The following ROBO2 variants were observed in gnomAD, a reference collection of about 807,000 sequenced individuals.
ROBO2 encodes the protein roundabout guidance receptor 2.
ROBO2 carries 53 observed loss-of-function variants against 160.8 expected under a neutral mutation model. That is an observed-to-expected ratio of 0.33 (90% CI 0.26 to 0.41). The LOEUF is 0.41. Ranked by LOEUF, ROBO2 falls within the 10% of genes least tolerant of loss-of-function variation. ROBO2 has a pLI of 1.00. For missense variants in ROBO2, 1,577 were observed against 1,722.4 expected, an observed-to-expected ratio of 0.92 and a Z score of 1.49; for synonymous variants, 664 against 611.7, an observed-to-expected ratio of 1.09 and a Z score of -1.26.
chr3:77,397,141 A>G (rs985040381), intron 2 of ROBO2, among the ~76,000 whole-genome samples: 4 of 152,038 alleles, frequency 2.6e-5, no homozygotes, highest in African/African-American at 9.7e-5. Context: ...GTTTCTGGGG[A>G]AAAAATTGCT....
intron 2 of ROBO2, among the ~76,000 whole-genome samples, chr3:75,989,548 A>G (rs150023963): frequency 2.0e-5 from 3 of 152,368 alleles, no homozygotes; most frequent in African/African-American, 7.2e-5. Context: ...AAACTATTTT[A>G]TAATTTACAA....
At chr3:77,199,659 G>C (rs1165982344) in intron 2 of ROBO2, among the ~76,000 whole-genome samples, 1 of 123,208 alleles carries the variant, frequency 8.1e-6, no homozygotes, top group Non-Finnish European at 1.6e-5. Context: ...GATTCTCACT[G>C]TCTCCTCAGG....
intron 2 of ROBO2, among the ~76,000 whole-genome samples, chr3:76,550,897 A>C (rs988793430): frequency 3.3e-5 from 5 of 152,186 alleles, no homozygotes; most frequent in African/African-American, 9.7e-5. Flanking sequence ...AGCTTAGTGC[A>C]GGCCTGCAGG....
intron 2 of ROBO2, among the ~76,000 whole-genome samples, chr3:76,661,425 C>G (rs1363284761): frequency 2.2e-4 from 33 of 152,142 alleles, no homozygotes; most frequent in Non-Finnish European, 4.4e-5. Flanking sequence ...TAAGGACATA[C>G]CCATGACACA....
intron 2 of ROBO2, among the ~76,000 whole-genome samples, chr3:76,162,111 GA>G (rs1559603419): frequency 6.6e-6 from 1 of 152,110 alleles, no homozygotes; most frequent in East Asian, 1.9e-4. Context: ...TATGCAGAGA[GA>G]TTTTGGCATA....
intron 2 of ROBO2, chr3:76,434,436 C>G: frequency 6.4e-7 from 1 of 1,555,422 alleles, no homozygotes; most frequent in Non-Finnish European, 8.9e-7. Flanking sequence ...GTGGCTATGG[C>G]CCCCAAGCCT....
upstream of ROBO2, among the ~76,000 whole-genome samples, chr3:77,039,531 C>A (rs1417495467): frequency 6.6e-6 from 1 of 152,198 alleles, no homozygotes; most frequent in African/African-American, 2.4e-5. Flanking sequence ...CCTATCCCCT[C>A]CCGAGGCGGG....
intron 2 of ROBO2, among the ~76,000 whole-genome samples, chr3:76,088,891 G>C (rs1444588200): frequency 2.0e-5 from 3 of 151,894 alleles, no homozygotes; most frequent in Admixed American, 2.0e-4. Context: ...ACTAAAGACA[G>C]ATATCAATAG....
chr3:76,236,586 T>A (rs1704959658), intron 2 of ROBO2, among the ~76,000 whole-genome samples: 1 of 152,196 alleles, frequency 6.6e-6, no homozygotes, highest in Admixed American at 6.5e-5. Flanking sequence ...TTATTAGTGC[T>A]GCTTCTGCAT....
chr3:76,880,196 G>T (rs4855965), intron 2 of ROBO2, among the ~76,000 whole-genome samples: 8,170 of 151,792 alleles, frequency 0.054, 276 homozygotes, highest in South Asian at 0.14. Flanking sequence ...TTTTCCATTT[G>T]GCCTAGGAAT....
At chr3:75,924,650 T>A (rs182781086) in intron 1 of ROBO2, among the ~76,000 whole-genome samples, 38 of 151,564 alleles carry the variant, frequency 2.5e-4, no homozygotes, top group Non-Finnish European at 5.0e-4. Flanking sequence ...AATTGGATAT[T>A]CTAGGAATTA....
intron 2 of ROBO2, among the ~76,000 whole-genome samples, chr3:77,300,493 G>A (rs954259642): frequency 2.0e-5 from 3 of 151,844 alleles, no homozygotes; most frequent in East Asian, 1.9e-4. Context: ...TTTTGAAGAG[G>A]TTATTTTTAT....
At position 77,382,915 on chromosome 3, in the gene ROBO2, G is replaced by A. The variant is rs1023726101; in HGVS notation, c.389-94499G>A. Among the ~76,000 whole-genome samples, 15 of 151,978 alleles carry A rather than the reference G, an allele frequency of 9.9e-5. 1 individual carries two copies. Among genetic ancestry groups the A allele is most frequent in the East Asian group, 1.9e-4 (1 of 5,174 alleles). The stretch of plus-strand genomic sequence containing the variant: ...GTGTCAAAAAAGATCTATTTGTAAT[G>A]TTTCATTCCTAGTTGCCAACATGCC... On this transcript the variant is annotated intron_variant, in intron 2 of 25. Coordinates refer to ENST00000461745, the Ensembl canonical transcript of ROBO2.
In ROBO2 at chr3:77,102,939, A is replaced by C. The variant is rs568052656; in HGVS notation, c.388+4599A>C. The stretch of plus-strand genomic sequence containing the variant: ...TCTCTAGGCAAAAAATGTTTTTTAA[A>C]TAGTTAGAAAACAGTTGCAGAGTTA... On this transcript the variant is annotated intron_variant, in intron 2 of 25. Transcript: ENST00000461745. Among the ~76,000 whole-genome samples the C allele has an allele frequency of 4.6e-5, 7 of 152,226 alleles. No individual in the cohort carries two copies. The South Asian group carries it at 1.5e-3, about 32-fold the overall frequency.
chr3:77,454,540 T>C (rs1465612782), intron 2 of ROBO2, among the ~76,000 whole-genome samples: 1 of 152,194 alleles, frequency 6.6e-6, no homozygotes, highest in Non-Finnish European at 1.5e-5. Flanking sequence ...CAGAATGATG[T>C]TTATGCTGTG....
chr3:77,536,930 T>C (rs1431341871), intron 6 of ROBO2, among the ~76,000 whole-genome samples: 1 of 152,138 alleles, frequency 6.6e-6, no homozygotes, highest in African/African-American at 2.4e-5. Context: ...TGCAAGACAT[T>C]TTGAACTGAG....
At chr3:77,346,065 TA>T (rs1321517886) in intron 2 of ROBO2, among the ~76,000 whole-genome samples, 1 of 152,142 alleles carries the variant, frequency 6.6e-6, no homozygotes, top group African/African-American at 2.4e-5. Context: ...TCTGTGTTAC[TA>T]AAACAGAACT....
At chr3:76,924,235 A>G (rs942698913) in intron 2 of ROBO2, among the ~76,000 whole-genome samples, 16 of 152,164 alleles carry the variant, frequency 1.1e-4, no homozygotes, top group African/African-American at 3.9e-4. Context: ...TTCAAATTTT[A>G]TCTTATAGTA....
Position 77,109,457 on chromosome 3 carries a change from C to A in ROBO2, c.388+11117C>A, listed in dbSNP as rs1057245699. ...AACAAAAACCAAGGCATGGCTCTTG[C>A]CATCAAAGAACATTCAATAGGATGG... On this transcript the variant is annotated intron_variant, in intron 2 of 25. Transcript: ENST00000461745. Among the ~76,000 whole-genome samples the A allele has an allele frequency of 2.0e-5, 3 of 152,100 alleles. No homozygotes were observed. In the East Asian group the frequency reaches 5.8e-4, roughly 29 times the overall value.
Sources: gnomAD v4.1 joint callset for allele counts (sites outside exome capture counted in the v4.1 genomes callset) on GRCh38, gnomAD v4.1.1 for gene constraint, MANE v1.5 for transcripts, NCBI Gene and HGNC (gene_info 2026-07-23, HGNC 2026-07-21) for gene names.